Variants in THSD7B observed in about 807,000 individuals in gnomAD.
The protein encoded by THSD7B is thrombospondin type-1 domain-containing protein 7B.
Under a neutral mutation model 213.6 loss-of-function variants are expected in THSD7B, and 138 were observed. The observed-to-expected ratio is 0.65, with a 90% confidence interval of 0.56 to 0.74. The LOEUF is 0.74. Ranked by LOEUF, THSD7B falls within the 30% of genes least tolerant of loss-of-function variation. The pLI is 0.00. For synonymous variants in THSD7B, 742 were observed against 687.0 expected, an observed-to-expected ratio of 1.08 and a Z score of -1.25; for missense variants, 1,931 against 1,991.5, an observed-to-expected ratio of 0.97 and a Z score of 0.58.
At chr2:136,960,273 A>G (rs1431435872) in intron 2 of THSD7B, among the ~76,000 whole-genome samples, 3 of 152,104 alleles carry the variant, frequency 2.0e-5, no homozygotes, top group African/African-American at 7.2e-5. Context: ...GACTATAGGC[A>G]TGCGCCACCA....
At chr2:136,901,360 C>G (rs1489145630) in intron 2 of THSD7B, among the ~76,000 whole-genome samples, 2 of 152,174 alleles carry the variant, frequency 1.3e-5, no homozygotes, top group Non-Finnish European at 2.9e-5. Flanking sequence ...AAGAATTGCC[C>G]TGTACATTAT....
At chr2:136,841,070 G>A (rs1682912280) in intron 1 of THSD7B, among the ~76,000 whole-genome samples, 1 of 151,860 alleles carries the variant, frequency 6.6e-6, no homozygotes, top group South Asian at 2.1e-4. Flanking sequence ...TTACTCCTAG[G>A]CAATTCTTCT....
intron 20 of THSD7B, among the ~76,000 whole-genome samples, chr2:137,638,350 G>A (rs373157414): frequency 6.6e-6 from 1 of 152,064 alleles, no homozygotes; most frequent in Non-Finnish European, 1.5e-5. Context: ...TTTATCAGGG[G>A]TTTCCGCTTT....
chr2:136,850,121 G>A (rs2104962672), intron 1 of THSD7B, among the ~76,000 whole-genome samples: 1 of 151,836 alleles, frequency 6.6e-6, no homozygotes, highest in African/African-American at 2.4e-5. Flanking sequence ...CATAAAGTAT[G>A]GTTTCATACT....
At chr2:137,545,270 C>G (rs1680686581) in intron 15 of THSD7B, among the ~76,000 whole-genome samples, 1 of 151,808 alleles carries the variant, frequency 6.6e-6, no homozygotes, top group African/African-American at 2.4e-5. Context: ...TATACCATTG[C>G]TGTACATCTC....
Position 137,457,189 on chromosome 2 carries a change from A to G in THSD7B, c.3138+6166A>G, listed in dbSNP as rs1002347162. Among the ~76,000 whole-genome samples, 44 of 152,324 alleles carry G rather than the reference A, an allele frequency of 2.9e-4. 1 individual carries two copies. Among genetic ancestry groups the G allele is most frequent in the Non-Finnish European group, 5.6e-4 (38 of 68,028 alleles). On this transcript the variant is annotated intron_variant, in intron 15 of 27. Coordinates refer to ENST00000409968, the MANE Select transcript of THSD7B (RefSeq NM_001316349.2). Reference sequence around the variant, plus strand: ...TGTTAAATCTTTTGAATCTTTGATCATTATTCTTGCGAGCTGTCAGAATCA... The same window carrying G: ...TGTTAAATCTTTTGAATCTTTGATCGTTATTCTTGCGAGCTGTCAGAATCA...
intron 2 of THSD7B, among the ~76,000 whole-genome samples, chr2:136,895,903 T>C (rs957912693): frequency 6.6e-6 from 1 of 152,202 alleles, no homozygotes; most frequent in African/African-American, 2.4e-5. Context: ...TATCACATAA[T>C]GTTTTGTGGT....
At chr2:136,990,017 T>C (rs1342997224) in intron 2 of THSD7B, among the ~76,000 whole-genome samples, 1 of 152,226 alleles carries the variant, frequency 6.6e-6, no homozygotes, top group Non-Finnish European at 1.5e-5. Flanking sequence ...GTTTTAAAAA[T>C]AGTCCTCATT....
chr2:137,211,991 A>G lies in THSD7B; in HGVS notation c.1724-19053A>G, dbSNP rs10185044. ...ATTCTACCATGCTGGAGCTAAATAA[A>G]CAATAAACAAAGGGGGAATCCTAAT... On this transcript the variant is annotated intron_variant, in intron 7 of 27. Coordinates refer to ENST00000409968, the MANE Select transcript of THSD7B (RefSeq NM_001316349.2). Among the ~76,000 whole-genome samples, 6 of 152,050 alleles carry G rather than the reference A, an allele frequency of 3.9e-5. No individual in the cohort carries two copies. The East Asian group carries it at 9.7e-4, about 25-fold the overall frequency.
At chr2:136,804,438 A>ACACACACATC (rs61679077) in intron 1 of THSD7B, among the ~76,000 whole-genome samples, 1 of 138,592 alleles carries the variant, frequency 7.2e-6, no homozygotes, top group Non-Finnish European at 1.6e-5. Flanking sequence ...ACACACACAC[A>ACACACACATC]CCCTTACCCT....
intron 12 of THSD7B, among the ~76,000 whole-genome samples, chr2:137,279,093 T>C (rs1682937092): frequency 6.6e-6 from 1 of 152,104 alleles, no homozygotes; most frequent in Non-Finnish European, 1.5e-5. Context: ...TATGAATATA[T>C]TTTTAGAAAC....
At chr2:137,654,222 T>C (rs779664765) in intron 21 of THSD7B, among the ~76,000 whole-genome samples, 1 of 151,784 alleles carries the variant, frequency 6.6e-6, no homozygotes, top group Non-Finnish European at 1.5e-5. Context: ...ATAGGGGAGG[T>C]CCCCAAGGGG....
chr2:137,529,225 G>C (rs1680336027), intron 15 of THSD7B, among the ~76,000 whole-genome samples: 1 of 151,848 alleles, frequency 6.6e-6, no homozygotes. Flanking sequence ...ATCTAGATAT[G>C]ATCATTATTA....
At chr2:137,244,630 T>C (rs1459628481) in intron 10 of THSD7B, among the ~76,000 whole-genome samples, 2 of 152,300 alleles carry the variant, frequency 1.3e-5, no homozygotes, top group African/African-American at 2.4e-5. Flanking sequence ...TTTAAATCAT[T>C]GGCATTGTAA....
chr2:137,171,039 C>A, intron 7 of THSD7B, 101 bp downstream of exon 7: 1 of 1,245,320 alleles, frequency 8.0e-7, no homozygotes, highest in Non-Finnish European at 1.1e-6. Context: ...AAGAGAAGCA[C>A]AGCCTTTCTT....
intron 2 of THSD7B, among the ~76,000 whole-genome samples, chr2:136,924,030 A>T (rs1019029924): frequency 4.6e-5 from 7 of 152,326 alleles, no homozygotes; most frequent in Non-Finnish European, 8.8e-5. Flanking sequence ...TCATTGCCAA[A>T]TCCAGTGTGA....
intron 5 of THSD7B, among the ~76,000 whole-genome samples, chr2:137,148,839 C>T (rs114364876): frequency 0.033 from 5,089 of 152,184 alleles, 309 homozygotes; most frequent in African/African-American, 0.11. Flanking sequence ...TGCAGCCTGA[C>T]GATGCCATTG....
intron 1 of THSD7B, among the ~76,000 whole-genome samples, chr2:136,847,320 G>A (rs1480652614): frequency 6.6e-6 from 1 of 152,182 alleles, no homozygotes; most frequent in Non-Finnish European, 1.5e-5. Flanking sequence ...ATGCATTAAG[G>A]ATTACTTGAT....
intron 7 of THSD7B, among the ~76,000 whole-genome samples, chr2:137,176,057 A>T (rs1053286833): frequency 9.9e-5 from 15 of 152,172 alleles, no homozygotes; most frequent in Admixed American, 4.6e-4. Context: ...GCTTTTGCTT[A>T]TAAGATATTC....
Sources: allele counts gnomAD v4.1 joint callset (sites outside exome capture counted in the v4.1 genomes callset), GRCh38; gene constraint gnomAD v4.1.1; transcripts MANE v1.5; gene names NCBI Gene and HGNC (gene_info 2026-07-23, HGNC 2026-07-21).